Variants in TMTC2 observed in about 807,000 individuals in gnomAD.
The protein encoded by TMTC2 is protein O-mannosyl-transferase TMTC2.
A neutral mutation model predicts 82.4 loss-of-function variants in TMTC2; 43 were observed. The observed-to-expected ratio is 0.52, with a 90% CI of 0.41 to 0.67. TMTC2 has a LOEUF of 0.67. Among genes scored for constraint, TMTC2 ranks in the 30% least tolerant of loss-of-function variants. The pLI is 0.00. For synonymous variants in TMTC2, 408 were observed against 381.9 expected (o/e 1.07, Z -0.80); for missense variants, 919 against 1,012.4 (o/e 0.91, Z 1.25).
intron 3 of TMTC2, among the ~76,000 whole-genome samples, chr12:82,907,547 T>C (rs1874390340): frequency 6.6e-6 from 1 of 151,858 alleles, no homozygotes; most frequent in Admixed American, 6.6e-5. Context: ...AAGTACAGTT[T>C]TGTGGGGCAG....
intron 9 of TMTC2, among the ~76,000 whole-genome samples, chr12:83,046,606 T>C (rs1329197709): frequency 6.6e-6 from 1 of 152,212 alleles, no homozygotes; most frequent in Admixed American, 6.5e-5. Context: ...GTAGTATACC[T>C]GCACTACCTG....
chr12:82,981,452 C>T (rs1878915435), intron 7 of TMTC2, among the ~76,000 whole-genome samples: 2 of 151,774 alleles, frequency 1.3e-5, no homozygotes, highest in Non-Finnish European at 3.0e-5. Flanking sequence ...TTTATGTCTG[C>T]CTGAAGCCAG....
At chr12:82,780,337 T>G (rs189712142) in intron 1 of TMTC2, among the ~76,000 whole-genome samples, 6 of 152,224 alleles carry the variant, frequency 3.9e-5, no homozygotes, top group South Asian at 2.1e-4. Context: ...ATAGCATACT[T>G]TATTTTTTTC....
intron 1 of TMTC2, among the ~76,000 whole-genome samples, chr12:82,730,193 G>C (rs966815944): frequency 6.6e-6 from 1 of 150,478 alleles, no homozygotes; most frequent in Admixed American, 6.7e-5. Context: ...TATTCAGGAG[G>C]CTGAGGCAGG....
At chr12:82,743,072 T>A (rs1592893491) in intron 1 of TMTC2, among the ~76,000 whole-genome samples, 1 of 152,324 alleles carries the variant, frequency 6.6e-6, no homozygotes, top group Middle Eastern at 3.4e-3. Context: ...TTGTTACTTA[T>A]TTTCTGAGCA....
chr12:82,909,586 C>A (rs911871269), intron 3 of TMTC2, among the ~76,000 whole-genome samples: 1 of 152,012 alleles, frequency 6.6e-6, no homozygotes, highest in East Asian at 1.9e-4. Flanking sequence ...GTGATCCACC[C>A]GCCTCAGCCT....
chr12:82,705,301 A>C (rs1240457985), intron 1 of TMTC2, among the ~76,000 whole-genome samples: 1 of 152,232 alleles, frequency 6.6e-6, no homozygotes, highest in Non-Finnish European at 1.5e-5. Context: ...ACTCGTAACC[A>C]AAGACCATCT....
intron 1 of TMTC2, among the ~76,000 whole-genome samples, chr12:82,850,676 T>A (rs575101827): frequency 1.3e-5 from 2 of 152,182 alleles, no homozygotes; most frequent in Non-Finnish European, 2.9e-5. Context: ...AAATGCTTAT[T>A]GTCTTTTTCA....
intron 1 of TMTC2, among the ~76,000 whole-genome samples, chr12:82,688,028 C>G (rs1024048319): frequency 6.6e-6 from 1 of 152,170 alleles, no homozygotes; most frequent in African/African-American, 2.4e-5. Context: ...AGTGATTTTA[C>G]GTCTGGTTGG....
At chr12:83,056,224 C>A (rs2137464552) in intron 10 of TMTC2, among the ~76,000 whole-genome samples, 1 of 151,994 alleles carries the variant, frequency 6.6e-6, no homozygotes, top group East Asian at 1.9e-4. Context: ...GAGATATTAA[C>A]ATTTTTAGAA....
intron 1 of TMTC2, among the ~76,000 whole-genome samples, chr12:82,762,042 C>T (rs1203504351): frequency 7.0e-6 from 1 of 143,294 alleles, no homozygotes; most frequent in African/African-American, 2.6e-5. Context: ...TCTCAGCTCA[C>T]TGCAACCTCC....
intron 1 of TMTC2, among the ~76,000 whole-genome samples, chr12:82,717,393 T>C (rs1386998986): frequency 6.6e-6 from 1 of 151,914 alleles, no homozygotes; most frequent in Non-Finnish European, 1.5e-5. Context: ...CCCGGCTAAG[T>C]TTTTATTTTA....
chr12:82,981,140 G>C (rs1878897615), intron 7 of TMTC2, among the ~76,000 whole-genome samples: 1 of 151,864 alleles, frequency 6.6e-6, no homozygotes, highest in Non-Finnish European at 1.5e-5. Flanking sequence ...AACAATTACT[G>C]TAGGAGTTGA....
chr12:82,890,907 A>G (rs1873363728), intron 2 of TMTC2, among the ~76,000 whole-genome samples: 18 of 152,194 alleles, frequency 1.2e-4, no homozygotes, highest in Admixed American at 1.1e-3. Context: ...GCTCCCTATC[A>G]AAGATTGTAC....
At chr12:83,095,540 A>C (rs1472784812) in intron 11 of TMTC2, among the ~76,000 whole-genome samples, 1 of 152,084 alleles carries the variant, frequency 6.6e-6, no homozygotes, top group Non-Finnish European at 1.5e-5. Flanking sequence ...GCAAAATTTT[A>C]TGTTTTTTGG....
intron 11 of TMTC2, among the ~76,000 whole-genome samples, chr12:83,092,214 G>A (rs140785687): frequency 6.6e-6 from 1 of 152,264 alleles, no homozygotes; most frequent in Non-Finnish European, 1.5e-5. Context: ...CTCCCAAAAG[G>A]TGTGCTTTTG....
At chr12:82,736,383 T>A (rs1237622037) in intron 1 of TMTC2, among the ~76,000 whole-genome samples, 2 of 152,186 alleles carry the variant, frequency 1.3e-5, no homozygotes, top group Non-Finnish European at 2.9e-5. Flanking sequence ...ACTTTAAACA[T>A]CTTCCAGTAT....
At chr12:83,126,247 G>A (rs1348465292) in intron 11 of TMTC2, among the ~76,000 whole-genome samples, 1 of 152,078 alleles carries the variant, frequency 6.6e-6, no homozygotes, top group Non-Finnish European at 1.5e-5. Flanking sequence ...GTAAAAGTGT[G>A]AAATGTGTAC....
At chr12:82,751,601 T>A (rs1374551872) in intron 1 of TMTC2, among the ~76,000 whole-genome samples, 1 of 152,148 alleles carries the variant, frequency 6.6e-6, no homozygotes. Flanking sequence ...TTTTTGAAAT[T>A]TGTAAATTGT....
Sources: gnomAD v4.1 joint callset for allele counts (sites outside exome capture counted in the v4.1 genomes callset) on GRCh38, gnomAD v4.1.1 for gene constraint, MANE v1.5 for transcripts, NCBI Gene and HGNC (gene_info 2026-07-23, HGNC 2026-07-21) for gene names.